The following GALNT18 variants were observed in gnomAD, a reference collection of about 807,000 sequenced individuals.
GALNT18 encodes the protein GalNAc-transferase 18.
GALNT18 carries 44 observed loss-of-function variants against 69.5 expected under a neutral mutation model. The ratio of observed to expected loss-of-function variants is 0.63; its 90% confidence interval spans 0.50 to 0.81. The LOEUF (loss-of-function observed/expected upper bound fraction) is 0.81. GALNT18 is among the 40% of genes least tolerant of loss of function. The pLI, the probability that GALNT18 is intolerant of heterozygous loss-of-function variation, is 0.00. For synonymous variants in GALNT18, 364 were observed against 318.2 expected, an observed-to-expected ratio of 1.14 and a Z score of -1.53; for missense variants, 715 against 810.0, an observed-to-expected ratio of 0.88 and a Z score of 1.42.
At chr11:11,550,731 G>C (rs1858168320) in intron 1 of GALNT18, among the ~76,000 whole-genome samples, 1 of 152,212 alleles carries the variant, frequency 6.6e-6, no homozygotes. Context: ...CGCTGTCCAA[G>C]GTGGTAGCCA....
Position 11,480,455 on chromosome 11 carries a change from G to A in GALNT18, c.236-31519C>T, listed in dbSNP as rs936222316. ...GCCTAATGGTCTGAATTGGTTCCAG[G>A]TAGTGGTTTCTCTTATCTCTCACAC... On this transcript the variant is annotated intron_variant, in intron 1 of 10. Transcript: ENST00000227756. The surrounding 1 kb of genome is among the most constrained non-coding windows in gnomAD (Gnocchi z 4.6). Among the ~76,000 whole-genome samples, 2 of 152,148 alleles carry A rather than the reference G, an allele frequency of 1.3e-5. No individual in the cohort carries two copies. Among genetic ancestry groups the A allele is most frequent in the Admixed American group, 1.3e-4 (2 of 15,276 alleles).
chr11:11,421,904 G>T lies in GALNT18; in HGVS notation c.595+10717C>A, dbSNP rs745469. ...CATAATTTAGCAAATAGACAGCACA[G>T]ACTTTATTTTAGCCCCTACGTGCCC... On this transcript the variant is annotated intron_variant, in intron 3 of 10. Coordinates refer to ENST00000227756, the MANE Select transcript of GALNT18 (RefSeq NM_198516.3). The surrounding 1 kb of genome is among the most constrained non-coding windows in gnomAD (Gnocchi z 5.6). 0.56 allele frequency among the ~76,000 whole-genome samples: 85,153 copies of T among 152,064 alleles called. 26,440 individuals carry two copies. Among genetic ancestry groups the T allele is most frequent in the Non-Finnish European group, 0.72 (48,771 of 67,966 alleles).
At chr11:11,292,078 G>T (rs987689167) in intron 10 of GALNT18, among the ~76,000 whole-genome samples, 1 of 152,062 alleles carries the variant, frequency 6.6e-6, no homozygotes, top group African/African-American at 2.4e-5. Flanking sequence ...CTGGAGTCAG[G>T]GACTCCTGCC....
intron 9 of GALNT18, among the ~76,000 whole-genome samples, chr11:11,325,406 A>G (rs1187580168): frequency 1.3e-5 from 2 of 152,196 alleles, no homozygotes; most frequent in Non-Finnish European, 2.9e-5. Flanking sequence ...CATACTGGGT[A>G]CAGTGTACAC....
chr11:11,540,102 G>C lies in GALNT18; in HGVS notation c.235+81257C>G, dbSNP rs771983653. Reference sequence around the variant, plus strand: ...ACCCACCACCATCTCTCTGGGCCTCGGTTTCTTTTTCTAAAAACTTAAGGC... The same window carrying C: ...ACCCACCACCATCTCTCTGGGCCTCCGTTTCTTTTTCTAAAAACTTAAGGC... On this transcript the variant is annotated intron_variant, in intron 1 of 10. Transcript: ENST00000227756. The surrounding 1 kb of genome is among the most constrained non-coding windows in gnomAD (Gnocchi z 4.6). 3.3e-5 allele frequency among the ~76,000 whole-genome samples: 5 copies of C among 152,104 alleles called. No individual in the cohort carries two copies. The highest frequency in any genetic ancestry group is 5.9e-5 in the Non-Finnish European group (4 of 68,006).
intron 1 of GALNT18, among the ~76,000 whole-genome samples, chr11:11,560,058 GATGGGA>G (rs2133981246): frequency 7.3e-6 from 1 of 137,294 alleles, no homozygotes; most frequent in Non-Finnish European, 1.6e-5. Context: ...GATGGGATAG[GATGGGA>G]TGGAATAGAA....
intron 10 of GALNT18, among the ~76,000 whole-genome samples, chr11:11,276,585 G>T (rs915942217): frequency 1.3e-5 from 2 of 152,182 alleles, no homozygotes; most frequent in African/African-American, 4.8e-5. Context: ...TAGGAGTGGT[G>T]AGAGAGGGCA....
chr11:11,294,527 A>T (rs11021762), intron 9 of GALNT18, among the ~76,000 whole-genome samples: 1 of 151,530 alleles, frequency 6.6e-6, no homozygotes. Context: ...CAGCCAGGCC[A>T]GCTCTGCAAA....
chr11:11,561,291 G>C (rs567655592), intron 1 of GALNT18, among the ~76,000 whole-genome samples: 1 of 152,106 alleles, frequency 6.6e-6, no homozygotes, highest in Non-Finnish European at 1.5e-5. Context: ...CCTTCCACTC[G>C]CAACGCCACC....
In GALNT18 at chr11:11,377,171, G is replaced by A. The variant is rs765622753; in HGVS notation, c.977+11C>T. ...AAAGCGGAGAGACCCACAGGTAAAG[G>A]TTTGCTTTACCTGATTGGCGCTGTG... On this transcript the variant is annotated intron_variant, in intron 5 of 10. Coordinates refer to ENST00000227756, the MANE Select transcript of GALNT18 (RefSeq NM_198516.3). This position sits in a 1 kb window ranked among gnomAD's most constrained non-coding sequence, Gnocchi z 4.6. 12 of 1,610,956 alleles carry A rather than the reference G, an allele frequency of 7.4e-6. No individual in the cohort carries two copies. The highest frequency in any genetic ancestry group is 1.1e-5 in the South Asian group (1 of 90,954).
intron 1 of GALNT18, among the ~76,000 whole-genome samples, chr11:11,549,692 T>C (rs1008967091): frequency 6.6e-6 from 1 of 152,198 alleles, no homozygotes. Context: ...ATACAGGTGG[T>C]TTTTATTTCA....
At chr11:11,417,107 C>T (rs761449884) in intron 3 of GALNT18, among the ~76,000 whole-genome samples, 27 of 152,226 alleles carry the variant, frequency 1.8e-4, no homozygotes, top group Non-Finnish European at 3.4e-4. Flanking sequence ...GGAAGTGACT[C>T]ACCCAGGATG....
At chr11:11,428,920 GGGT>G (rs1173942456) in intron 3 of GALNT18, among the ~76,000 whole-genome samples, 1 of 152,144 alleles carries the variant, frequency 6.6e-6, no homozygotes, top group African/African-American at 2.4e-5. Context: ...GTGTCATCCT[GGGT>G]CATGATGTAA....
rs1001014141 is a variant in GALNT18, at chr11:11,415,733, C to G, written c.595+16888G>C. 6.6e-6 allele frequency among the ~76,000 whole-genome samples: 1 copy of G among 152,148 alleles called. No individual in the cohort carries two copies. Among genetic ancestry groups the G allele is most frequent in the African/African-American group, 2.4e-5 (1 of 41,428 alleles). On this transcript the variant is annotated intron_variant, in intron 3 of 10. Transcript: ENST00000227756. The surrounding 1 kb of genome is among the most constrained non-coding windows in gnomAD (Gnocchi z 4.1). The stretch of plus-strand genomic sequence containing the variant: ...CTCCCACCCACACCTATGCGTCTTC[C>G]CACCCATGCATCCATGCATCCATCC...
intron 1 of GALNT18, among the ~76,000 whole-genome samples, chr11:11,611,941 G>A (rs1392478344): frequency 6.6e-6 from 1 of 152,164 alleles, no homozygotes; most frequent in Non-Finnish European, 1.5e-5. Context: ...AGACACAAAT[G>A]TAAACCAAGC....
At chr11:11,515,704 C>G (rs536062520) in intron 1 of GALNT18, among the ~76,000 whole-genome samples, 2 of 152,304 alleles carry the variant, frequency 1.3e-5, no homozygotes, top group East Asian at 3.9e-4. Flanking sequence ...CCAGATGAAA[C>G]CTAACCAAAG....
intron 1 of GALNT18, among the ~76,000 whole-genome samples, chr11:11,529,957 C>T (rs1222663457): frequency 2.0e-5 from 3 of 152,168 alleles, no homozygotes. Context: ...GAGTCTGGAC[C>T]TCAGCACTGA....
chr11:11,358,859 A>ACACACACACGCACG (rs1554921791), intron 6 of GALNT18, among the ~76,000 whole-genome samples: 1 of 130,010 alleles, frequency 7.7e-6, no homozygotes, highest in African/African-American at 3.0e-5. Flanking sequence ...ACACACACAC[A>ACACACACACGCACG]CACGCACAGA....
rs1390670910 is a variant in GALNT18 at position 11,463,087 on chromosome 11, A to G, written c.236-14151T>C. 6.6e-6 allele frequency among the ~76,000 whole-genome samples: 1 copy of G among 152,110 alleles called. No individual in the cohort carries two copies. Among genetic ancestry groups the G allele is most frequent in the Non-Finnish European group, 1.5e-5 (1 of 68,026 alleles). ...GCTCTGCAGTGTGGAGAGAGAGGAT[A>G]TCAATCACAAGACCCTGGAACTATT... On this transcript the variant is annotated intron_variant, in intron 1 of 10. Transcript: ENST00000227756. The surrounding 1 kb of genome is among the most constrained non-coding windows in gnomAD (Gnocchi z 4.2).
Sources: gnomAD v4.1 joint callset for allele counts (sites outside exome capture counted in the v4.1 genomes callset) on GRCh38, gnomAD v4.1.1 for gene constraint, Gnocchi (gnomAD v3.1) non-coding constraint, MANE v1.5 for transcripts, NCBI Gene and HGNC (gene_info 2026-07-23, HGNC 2026-07-21) for gene names.